The following EEFSEC variants were observed in gnomAD, a reference collection of about 807,000 sequenced individuals.
The protein encoded by EEFSEC is eukaryotic elongation factor, selenocysteine-tRNA specific, also known as selenocysteine-specific elongation factor.
A neutral mutation model predicts 42.1 loss-of-function variants in EEFSEC; 43 were observed. The observed-to-expected ratio is 1.02, with a 90% CI of 0.80 to 1.32. The LOEUF is 1.32. Among genes scored for constraint, EEFSEC ranks in the 40% most tolerant of loss-of-function variants. The pLI, the probability that EEFSEC is intolerant of heterozygous loss-of-function variation, is 0.00. For missense variants in EEFSEC, 745 were observed against 803.6 expected (o/e 0.93, Z 0.88); for synonymous variants, 354 against 339.1 (o/e 1.04, Z -0.48).
chr3:128,383,133 A>T (rs2067796849), intron 6 of EEFSEC, among the ~76,000 whole-genome samples: 1 of 152,136 alleles, frequency 6.6e-6, no homozygotes, highest in Non-Finnish European at 1.5e-5. Flanking sequence ...TTCCAAAAGA[A>T]CACCCCCAAA....
intron 4 of EEFSEC, among the ~76,000 whole-genome samples, chr3:128,340,268 C>A (rs1381578806): frequency 2.0e-5 from 3 of 152,112 alleles, no homozygotes; most frequent in African/African-American, 4.8e-5. Flanking sequence ...TTCTTCGAGA[C>A]CTTTACCCCA....
At chr3:128,344,958 C>G (rs1576656913) in intron 5 of EEFSEC, among the ~76,000 whole-genome samples, 1 of 152,168 alleles carries the variant, frequency 6.6e-6, no homozygotes, top group African/African-American at 2.4e-5. Context: ...AAGGGGCAGC[C>G]CTGTTTGCTT....
chr3:128,392,217 A>G (rs1576697458), intron 6 of EEFSEC, among the ~76,000 whole-genome samples: 1 of 152,168 alleles, frequency 6.6e-6, no homozygotes, highest in Admixed American at 6.5e-5. Context: ...AGAGACCCGC[A>G]CCAGCCCCCC....
intron 4 of EEFSEC, among the ~76,000 whole-genome samples, chr3:128,267,618 G>T (rs967920319): frequency 6.6e-6 from 1 of 152,180 alleles, no homozygotes; most frequent in Non-Finnish European, 1.5e-5. Context: ...AGAAATCAGC[G>T]CTTGATGATT....
At chr3:128,188,985 A>AC (rs2065493011) in intron 1 of EEFSEC, among the ~76,000 whole-genome samples, 1 of 151,794 alleles carries the variant, frequency 6.6e-6, no homozygotes, top group Non-Finnish European at 1.5e-5. Flanking sequence ...GTAGGGGTAG[A>AC]CCCCCAGGCA....
intron 5 of EEFSEC, among the ~76,000 whole-genome samples, chr3:128,355,533 C>T (rs1049653356): frequency 7.5e-5 from 11 of 147,572 alleles, no homozygotes; most frequent in Non-Finnish European, 1.3e-4. Context: ...TATGTATACA[C>T]ATATTTAGAC....
At chr3:128,212,796 C>T (rs1456114385) in intron 1 of EEFSEC, among the ~76,000 whole-genome samples, 8 of 152,144 alleles carry the variant, frequency 5.3e-5, no homozygotes, top group African/African-American at 1.9e-4. Flanking sequence ...TGAGCCAAAG[C>T]CAACATGATG....
At chr3:128,364,937 G>C (rs1218318282) in intron 6 of EEFSEC, among the ~76,000 whole-genome samples, 2 of 152,356 alleles carry the variant, frequency 1.3e-5, no homozygotes, top group East Asian at 3.9e-4. Flanking sequence ...GCCCCAGGGA[G>C]ATCGAGCAGA....
At chr3:128,362,584 A>G (rs142593958) in intron 6 of EEFSEC, among the ~76,000 whole-genome samples, 2 of 152,358 alleles carry the variant, frequency 1.3e-5, no homozygotes, top group East Asian at 3.9e-4. Flanking sequence ...GGGACAGTTC[A>G]TGTGTGTGTC....
intron 5 of EEFSEC, among the ~76,000 whole-genome samples, chr3:128,344,269 C>T (rs1422789310): frequency 6.6e-6 from 1 of 152,244 alleles, no homozygotes; most frequent in Non-Finnish European, 1.5e-5. Context: ...ATATACTATG[C>T]GCCTTTACTA....
chr3:128,324,477 G>A (rs561326460), intron 4 of EEFSEC, among the ~76,000 whole-genome samples: 17 of 152,270 alleles, frequency 1.1e-4, no homozygotes, highest in African/African-American at 4.1e-4. Flanking sequence ...AGGATTCCAG[G>A]TCCCATGGAA....
intron 1 of EEFSEC, among the ~76,000 whole-genome samples, chr3:128,212,008 C>T (rs146595450): frequency 2.0e-4 from 30 of 151,482 alleles, no homozygotes; most frequent in African/African-American, 7.0e-4. Context: ...TACAGGTGCC[C>T]GCCACCAAGC....
intron 6 of EEFSEC, among the ~76,000 whole-genome samples, chr3:128,360,800 T>C (rs979466125): frequency 2.6e-5 from 4 of 152,070 alleles, no homozygotes; most frequent in African/African-American, 9.7e-5. Context: ...CTTCGTCTGG[T>C]CAATGTTGAC....
chr3:128,347,262 G>GA (rs910870590), intron 5 of EEFSEC, among the ~76,000 whole-genome samples: 223 of 138,020 alleles, frequency 1.6e-3, no homozygotes, highest in African/African-American at 3.4e-3. Context: ...GGTTAATGAA[G>GA]AAAAAAAAAA....
chr3:128,399,092 AAAT>A, intron 6 of EEFSEC, among the ~76,000 whole-genome samples: 4 of 127,120 alleles, frequency 3.1e-5, no homozygotes, highest in African/African-American at 1.6e-4. Flanking sequence ...ATAAATAAAT[AAAT>A]AAATAAATAA....
chr3:128,392,212 C>A (rs1006629162), intron 6 of EEFSEC, among the ~76,000 whole-genome samples: 1 of 152,190 alleles, frequency 6.6e-6, no homozygotes, highest in East Asian at 1.9e-4. Flanking sequence ...GCAGAAGAGA[C>A]CCGCACCAGC....
intron 4 of EEFSEC, among the ~76,000 whole-genome samples, chr3:128,340,667 G>A (rs1044702420): frequency 2.0e-5 from 3 of 152,226 alleles, no homozygotes; most frequent in Non-Finnish European, 4.4e-5. Context: ...CATGCAGCAG[G>A]CTGTGGGATT....
At chr3:128,262,302 T>TGAGA in intron 3 of EEFSEC, 78 bp downstream of exon 3, 1 of 1,316,394 alleles carries the variant, frequency 7.6e-7, no homozygotes. Context: ...CTCTCTCCCC[T>TGAGA]GAGAGAGAAA....
chr3:128,300,155 G>C (rs576056582), intron 4 of EEFSEC, among the ~76,000 whole-genome samples: 23 of 152,324 alleles, frequency 1.5e-4, no homozygotes, highest in African/African-American at 5.5e-4. Context: ...TGGAACAGCT[G>C]TTCTGGCCAC....
Sources: allele counts gnomAD v4.1 joint callset (sites outside exome capture counted in the v4.1 genomes callset), GRCh38; gene constraint gnomAD v4.1.1; transcripts MANE v1.5; gene names NCBI Gene and HGNC (gene_info 2026-07-23, HGNC 2026-07-21).